The following ZNF676 variants were observed in gnomAD, a reference collection of about 807,000 sequenced individuals.
The protein encoded by ZNF676 is zinc finger protein 676.
ZNF676 carries 4 observed loss-of-function variants against 6.0 expected under a neutral mutation model. That is an observed-to-expected ratio of 0.67 (90% CI 0.33 to 1.53). The LOEUF (loss-of-function observed/expected upper bound fraction) is 1.53, where lower values mean the gene tolerates loss of function less well. Among genes scored for constraint, ZNF676 ranks in the 40% most tolerant of loss-of-function variants. The pLI, the probability that ZNF676 is intolerant of heterozygous loss-of-function variation, is 0.06. For synonymous variants in ZNF676, 198 were observed against 223.1 expected, an observed-to-expected ratio of 0.89 and a Z score of 1.00; for missense variants, 644 against 679.7, an observed-to-expected ratio of 0.95 and a Z score of 0.58.
At chr19:22,252,310 G>A in the ZNF676 span, among the ~76,000 whole-genome samples, 102 of 150,750 alleles carry the variant, frequency 6.8e-4, no homozygotes, top group African/African-American at 2.4e-3. Context: ...CAAGAGAATC[G>A]CTTGAACCCA....
At position 22,180,012 on chromosome 19, in the gene ZNF676, CT is replaced by C; in HGVS notation, c.1704del (p.Ala569LeufsTer135). 1 of 1,613,792 alleles carries C rather than the reference CT, an allele frequency of 6.2e-7. No homozygotes were observed. The highest frequency in any genetic ancestry group is 2.2e-5 in the East Asian group (1 of 44,844). Reference sequence around the variant, plus strand: ...CTAACAGTTGAGGATGACTTAAAAGCTTTGCCACATTCTTCACATTTGTAGG... The same window carrying C: ...CTAACAGTTGAGGATGACTTAAAAGCTTGCCACATTCTTCACATTTGTAGG... ...EKPYKCEECGKAFKSSSTVSY... is the reference protein window; with the variant it reads ...EKPYKCEECGXAFKSSSTVSY... On this transcript the variant is annotated frameshift_variant, in exon 3 of 3. Transcript: ENST00000397121. LOFTEE classifies it low-confidence loss of function (END_TRUNC).
intron 2 of ZNF676, among the ~76,000 whole-genome samples, chr19:22,187,873 A>C (rs1403896490): frequency 6.6e-6 from 1 of 152,160 alleles, no homozygotes; most frequent in African/African-American, 2.4e-5. Context: ...TTGAGGCGGT[A>C]CTTATGGGCC....
At chr19:22,256,038 A>G in the ZNF676 span, among the ~76,000 whole-genome samples, 1 of 152,070 alleles carries the variant, frequency 6.6e-6, no homozygotes, top group African/African-American at 2.4e-5. Context: ...AGTCAATCTC[A>G]TCTGTGTGCT....
the ZNF676 span, among the ~76,000 whole-genome samples, chr19:22,241,459 ATAAGAGTTAATTCTTCAACT>A: frequency 6.6e-6 from 1 of 151,864 alleles, no homozygotes; most frequent in South Asian, 2.1e-4. Flanking sequence ...AGAGCCACAT[ATAAGAGTTAATTCTTCAACT>A]TCCCACTGCC....
Position 22,196,210 on chromosome 19 carries a change from A to G in ZNF676, c.34+390T>C, listed in dbSNP as rs114336730. On this transcript the variant is annotated intron_variant, in intron 1 of 2. Transcript: ENST00000397121. Reference sequence around the variant, plus strand: ...ACAGCAAACTGTTTATCATGAGTGCAGAATGTGGGCAAACTTGCTTCTGCT... The same window carrying G: ...ACAGCAAACTGTTTATCATGAGTGCGGAATGTGGGCAAACTTGCTTCTGCT... 4.5e-3 allele frequency among the ~76,000 whole-genome samples: 686 copies of G among 152,274 alleles called. 4 individuals carry two copies. Among genetic ancestry groups the G allele is most frequent in the African/African-American group, 0.016 (656 of 41,560 alleles).
Position 22,212,897 on chromosome 19 carries a change from C to T in ZNF676, c.3+2735G>A, listed in dbSNP as rs576078959. On this transcript the variant is annotated intron_variant, in intron 1 of 3. Transcript: ENST00000650058. ...GTAGTCCCAGCTACTTGGGAGGCTG[C>T]GGCAGAAGAATTGCTTTAATCCGGG... Among the ~76,000 whole-genome samples, 14 of 149,378 alleles carry T rather than the reference C, an allele frequency of 9.4e-5. No individual in the cohort carries two copies. The East Asian group carries it at 1.8e-3, about 19-fold the overall frequency.
chr19:22,179,884 G>A lies in ZNF676; in HGVS notation c.*66C>T, dbSNP rs1599707812. Reference sequence around the variant, plus strand: ...TTCACCTTTGTAGATTTTCTCTCCAGTATGAATTTTCTTATGTTTACTAGA... The same window carrying A: ...TTCACCTTTGTAGATTTTCTCTCCAATATGAATTTTCTTATGTTTACTAGA... On this transcript the variant is annotated 3_prime_UTR_variant, in exon 3 of 3. Coordinates refer to ENST00000397121, the MANE Select transcript of ZNF676 (RefSeq NM_001001411.3). The A allele has an allele frequency of 6.5e-7, 1 of 1,527,466 alleles. No homozygotes were observed. The highest frequency in any genetic ancestry group is 1.8e-5 in the Admixed American group (1 of 56,986). The allele number at this position is 1,527,466 out of a possible 1,614,324, so 94.6% of individuals were successfully genotyped here. A position where few individuals can be genotyped will look rare whatever the true frequency, so the allele number is the denominator to read the frequency against.
chr19:22,232,974 C>T, the ZNF676 span, among the ~76,000 whole-genome samples: 3 of 151,944 alleles, frequency 2.0e-5, no homozygotes, highest in Non-Finnish European at 2.9e-5. Context: ...CAATAAAATA[C>T]CCAATAATCT....
In ZNF676 at chr19:22,179,959, C is replaced by A. The variant is rs543467184; in HGVS notation, c.1758G>T (p.Glu586Asp). 21 of 1,612,758 alleles carry A rather than the reference C, an allele frequency of 1.3e-5. No homozygotes were observed. The African/African-American group carries it at 1.6e-4, about 12-fold the overall frequency. ...CACATTCTTCACATTTTTAGGGATT[C>A]TCTCCAGTATGAATTTTCTTATGAT... is the stretch of plus-strand genomic sequence containing the variant. ...VSYHKKIHTG[E>D]NP Residue 586 changes from glutamate (E) to aspartate (D), a missense_variant, in exon 3 of 3, where the codon GAG (glutamate) becomes GAT (aspartate). Physicochemically the swap from Glu to Asp is conservative, Grantham distance 45. This residue lies in a region of ZNF676 where 306 missense variants were observed against 265.4 expected (regional missense o/e 1.15). Transcript: ENST00000397121.
chr19:22,189,690 C>T (rs1434340079), intron 2 of ZNF676, among the ~76,000 whole-genome samples: 2 of 151,956 alleles, frequency 1.3e-5, no homozygotes, highest in African/African-American at 4.8e-5. Context: ...AAACAAACAA[C>T]CCCATCAAAA....
chr19:22,181,815 C>T (rs2023758162), intron 2 of ZNF676, among the ~76,000 whole-genome samples: 1 of 151,948 alleles, frequency 6.6e-6, no homozygotes, highest in Admixed American at 6.6e-5. Flanking sequence ...TCAATTAAGC[C>T]CAATGCAAAG....
chr19:22,258,298 C>T, the ZNF676 span, among the ~76,000 whole-genome samples: 1 of 152,008 alleles, frequency 6.6e-6, no homozygotes, highest in Non-Finnish European at 1.5e-5. Flanking sequence ...TCACAGTGCC[C>T]CTTGTTAACA....
rs765582913 is a variant in ZNF676 at position 22,181,135 on chromosome 19, C to G, written c.582G>C (p.Glu194Asp). 6.2e-6 allele frequency: 10 copies of G among 1,613,890 alleles called. No homozygotes were observed. In the East Asian group the frequency reaches 2.2e-4, roughly 36 times the overall value. The change falls in exon 3 of 3, where the codon GAG becomes GAC. Residue 194 changes from glutamate (E) to aspartate (D), a missense_variant. This residue lies in a region of ZNF676 where 280 missense variants were observed against 269.3 expected (regional missense o/e 1.04). Transcript: ENST00000397121. ...CACATTCTTCACATTTGTAGGGTTTCTCTCCAGTATGAATACTCTTATAAT... is the reference window on the plus strand; with the variant it reads ...CACATTCTTCACATTTGTAGGGTTTGTCTCCAGTATGAATACTCTTATAAT... ...LTYYKSIHTG[E>D]KPYKCEECGK... is the part of the protein sequence containing the mutation.
At chr19:22,219,508 T>C (rs191914657), upstream of ZNF676, among the ~76,000 whole-genome samples, 1 of 152,314 alleles carries the variant, frequency 6.6e-6, no homozygotes, top group Non-Finnish European at 1.5e-5. Context: ...TGTTTATTTT[T>C]TGCTTTACTC....
intron 1 of ZNF676, among the ~76,000 whole-genome samples, chr19:22,202,840 G>A (rs752879352): frequency 2.6e-5 from 4 of 152,178 alleles, no homozygotes; most frequent in Non-Finnish European, 5.9e-5. Flanking sequence ...ATGACTAGAG[G>A]TAGTTTTGCA....
chr19:22,222,262 G>A, the ZNF676 span, among the ~76,000 whole-genome samples: 2 of 151,944 alleles, frequency 1.3e-5, no homozygotes, highest in Non-Finnish European at 2.9e-5. Context: ...CTGCCACCAC[G>A]CATGGCTAAT....
chr19:22,208,219 A>T (rs2024095264), intron 1 of ZNF676, among the ~76,000 whole-genome samples: 1 of 151,730 alleles, frequency 6.6e-6, no homozygotes, highest in South Asian at 2.1e-4. Flanking sequence ...TTTACTATCC[A>T]GAATCCGTAA....
intron 1 of ZNF676, among the ~76,000 whole-genome samples, chr19:22,208,433 A>G (rs751449373): frequency 6.6e-6 from 1 of 152,226 alleles, no homozygotes; most frequent in African/African-American, 2.4e-5. Flanking sequence ...GGCAATTATT[A>G]TAATTCAACC....
the ZNF676 span, among the ~76,000 whole-genome samples, chr19:22,228,013 G>T: frequency 0.016 from 2,401 of 152,202 alleles, 75 homozygotes; most frequent in African/African-American, 0.054. Flanking sequence ...TTTTGGGCCA[G>T]CATCATCCTG....
Sources: allele counts gnomAD v4.1 joint callset (sites outside exome capture counted in the v4.1 genomes callset), GRCh38; gene constraint gnomAD v4.1.1; regional missense constraint gnomAD v4.1.1; transcripts MANE v1.5; gene names NCBI Gene and HGNC (gene_info 2026-07-23, HGNC 2026-07-21).